Variants in SLCO1B1 observed in about 807,000 individuals in gnomAD.
The protein encoded by SLCO1B1 is OATP-2.
In SLCO1B1, 81 loss-of-function variants were observed where a neutral mutation model predicts 70.1. The observed-to-expected ratio is 1.16, with a 90% CI of 0.97 to 1.39. The LOEUF (loss-of-function observed/expected upper bound fraction) is 1.39. Among genes scored for constraint, SLCO1B1 ranks in the 40% most tolerant of loss-of-function variants. SLCO1B1 has a pLI of 0.00. For synonymous variants in SLCO1B1, 283 were observed against 271.5 expected (o/e 1.04, Z -0.42); for missense variants, 895 against 799.6 (o/e 1.12, Z -1.44).
intron 12 of SLCO1B1, among the ~76,000 whole-genome samples, chr12:21,221,803 T>C (rs193036214): frequency 1.3e-5 from 2 of 152,246 alleles, no homozygotes; most frequent in East Asian, 3.9e-4. Flanking sequence ...TTATATACTG[T>C]TGAGAATATA....
At chr12:21,206,061 C>CT in intron 11 of SLCO1B1, 28 bp downstream of exon 11, 2 of 1,586,194 alleles carry the variant, frequency 1.3e-6, no homozygotes, top group Non-Finnish European at 1.7e-6. Context: ...CTTTCCTCTC[C>CT]TTATTCAAAA....
intron 2 of SLCO1B1, among the ~76,000 whole-genome samples, chr12:21,155,273 A>G (rs1002263590): frequency 1.3e-5 from 2 of 151,782 alleles, no homozygotes; most frequent in African/African-American, 4.8e-5. Flanking sequence ...ATATGCTTTC[A>G]ATGTTTTAAA....
chr12:21,198,307 A>C (rs1436872011), intron 8 of SLCO1B1, among the ~76,000 whole-genome samples: 1 of 152,134 alleles, frequency 6.6e-6, no homozygotes, highest in Non-Finnish European at 1.5e-5. Context: ...GGAAATTGGG[A>C]TATACTACAA....
chr12:21,232,816 A>AC (rs1591752204), intron 14 of SLCO1B1, among the ~76,000 whole-genome samples: 1 of 152,122 alleles, frequency 6.6e-6, no homozygotes, highest in Non-Finnish European at 1.5e-5. Flanking sequence ...TTGCCAGCAT[A>AC]CCACGTTTCT....
chr12:21,165,410 A>G (rs1591805555), intron 2 of SLCO1B1, among the ~76,000 whole-genome samples: 1 of 152,278 alleles, frequency 6.6e-6, no homozygotes, highest in Non-Finnish European at 1.5e-5. Context: ...GGAGCCACAC[A>G]TATGTCCAAG....
intron 7 of SLCO1B1, among the ~76,000 whole-genome samples, chr12:21,190,460 C>T (rs1941017188): frequency 6.6e-6 from 1 of 152,152 alleles, no homozygotes; most frequent in South Asian, 2.1e-4. Flanking sequence ...GACCAGGCAT[C>T]CTCAACTCCA....
In SLCO1B1 at chr12:21,202,665, G is replaced by T; in HGVS notation, c.1310G>T (p.Gly437Val). ...FILCENKSVA[G>V]LTMTYDGNNP... ...CTCTGTGAAAACAAATCAGTTGCCG[G>T]ACTAACCATGACCTATGATGGGTTT... Residue 437 changes from glycine (G) to valine (V), a missense_variant, in exon 10 of 15, where the codon GGA (glycine) becomes GTA (valine). Transcript: ENST00000256958. The T allele has an allele frequency of 6.2e-7, 1 of 1,611,724 alleles. No homozygotes were observed.
intron 2 of SLCO1B1, among the ~76,000 whole-genome samples, chr12:21,172,411 T>C (rs905070848): frequency 6.6e-6 from 1 of 152,216 alleles, no homozygotes; most frequent in Admixed American, 6.5e-5. Flanking sequence ...ACCTTAACTG[T>C]AGTGCTCTAA....
intron 7 of SLCO1B1, among the ~76,000 whole-genome samples, chr12:21,180,183 C>T (rs1315614781): frequency 6.6e-6 from 1 of 152,238 alleles, no homozygotes; most frequent in East Asian, 1.9e-4. Context: ...TACCTCCAAC[C>T]CCACTGTATT....
At chr12:21,158,577 C>G (rs1348647123) in intron 2 of SLCO1B1, among the ~76,000 whole-genome samples, 1 of 151,898 alleles carries the variant, frequency 6.6e-6, no homozygotes, top group Non-Finnish European at 1.5e-5. Flanking sequence ...GCCTTTAGTC[C>G]CAGCTACTCA....
chr12:21,166,394 A>G (rs974379459), intron 2 of SLCO1B1, among the ~76,000 whole-genome samples: 8 of 152,200 alleles, frequency 5.3e-5, no homozygotes, highest in African/African-American at 1.9e-4. Flanking sequence ...GATATATCCA[A>G]TAAAGAACTG....
chr12:21,192,347 AT>A (rs1207238391), intron 7 of SLCO1B1, among the ~76,000 whole-genome samples: 1 of 151,546 alleles, frequency 6.6e-6, no homozygotes, highest in Admixed American at 6.6e-5. Context: ...CCAGGAATTT[AT>A]TTTTTCTTTC....
At chr12:21,205,557 G>A (rs1941205894) in intron 10 of SLCO1B1, among the ~76,000 whole-genome samples, 1 of 151,082 alleles carries the variant, frequency 6.6e-6, no homozygotes, top group African/African-American at 2.5e-5. Context: ...CTAATGTGAA[G>A]TTTCTTCATA....
chr12:21,187,578 G>T (rs182462738), intron 7 of SLCO1B1, among the ~76,000 whole-genome samples: 1 of 151,906 alleles, frequency 6.6e-6, no homozygotes, highest in Admixed American at 6.6e-5. Flanking sequence ...CTAACGAAAG[G>T]ATTATCAGTG....
At chr12:21,177,466 A>G (rs1313909155) in intron 5 of SLCO1B1, among the ~76,000 whole-genome samples, 1 of 152,196 alleles carries the variant, frequency 6.6e-6, no homozygotes, top group Admixed American at 6.6e-5. Context: ...ATTATAAATT[A>G]TAATTGCAAA....
chr12:21,151,731 G>T (rs1940472871), intron 2 of SLCO1B1, among the ~76,000 whole-genome samples: 1 of 152,056 alleles, frequency 6.6e-6, no homozygotes, highest in African/African-American at 2.4e-5. Flanking sequence ...TTTCTCAGAG[G>T]AAGTTTTATT....
intron 1 of SLCO1B1, among the ~76,000 whole-genome samples, chr12:21,134,761 T>C (rs1940193348): frequency 6.6e-6 from 1 of 152,192 alleles, no homozygotes; most frequent in Non-Finnish European, 1.5e-5. Context: ...TCTATCAATT[T>C]TGTTGATGCT....
chr12:21,236,676 G>C (rs930177548), intron 14 of SLCO1B1, among the ~76,000 whole-genome samples: 5 of 152,142 alleles, frequency 3.3e-5, no homozygotes, highest in African/African-American at 1.2e-4. Context: ...ATTATTACCA[G>C]GCTTTTACCG....
intron 11 of SLCO1B1, among the ~76,000 whole-genome samples, chr12:21,214,323 G>T (rs1325590037): frequency 1.3e-5 from 2 of 151,114 alleles, no homozygotes; most frequent in Non-Finnish European, 1.5e-5. Context: ...ACCCTGCCGT[G>T]TGAGGTGTCA....
Sources: gnomAD v4.1 joint callset for allele counts (sites outside exome capture counted in the v4.1 genomes callset) on GRCh38, gnomAD v4.1.1 for gene constraint, MANE v1.5 for transcripts, NCBI Gene and HGNC (gene_info 2026-07-23, HGNC 2026-07-21) for gene names.